RALGPS1: variants seen among roughly 807,000 people sequenced by gnomAD.
RALGPS1 encodes the protein Ral GEF with PH domain and SH3 binding motif 1, also known as ras-specific guanine nucleotide-releasing factor RalGPS1.
A neutral mutation model predicts 78.8 loss-of-function variants in RALGPS1; 19 were observed. The ratio of observed to expected loss-of-function variants is 0.24; its 90% CI spans 0.17 to 0.35. RALGPS1 has a LOEUF of 0.35. Ranked by LOEUF, RALGPS1 falls within the 10% of genes least tolerant of loss-of-function variation. RALGPS1 has a pLI of 1.00. For missense variants in RALGPS1, 454 were observed against 688.3 expected (o/e 0.66, Z 3.81); for synonymous variants, 228 against 256.3 (o/e 0.89, Z 1.06).
intron 4 of RALGPS1, among the ~76,000 whole-genome samples, chr9:126,999,455 C>G (rs1163179449): frequency 6.6e-6 from 1 of 152,192 alleles, no homozygotes; most frequent in Non-Finnish European, 1.5e-5. Flanking sequence ...TTTTACTATT[C>G]TAAAATCCTC....
At chr9:126,967,461 C>A (rs888502760) in intron 3 of RALGPS1, among the ~76,000 whole-genome samples, 2 of 152,218 alleles carry the variant, frequency 1.3e-5, no homozygotes, top group African/African-American at 4.8e-5. Context: ...AAAGTAGCAT[C>A]TTTCCATCAT....
chr9:127,159,720 TGTGCTCTCTTAAAGAGAGCACAC>T (rs2058913353), intron 8 of RALGPS1, among the ~76,000 whole-genome samples: 1 of 152,218 alleles, frequency 6.6e-6, no homozygotes, highest in Non-Finnish European at 1.5e-5. Flanking sequence ...GGAAATGCTT[TGTGCTCTCTTAAAGAGAGCACAC>T]ACATCCTAAT....
rs2062761170 is a variant in RALGPS1, at chr9:127,221,075, A to G, written c.*2306A>G. 1.3e-5 allele frequency: 2 copies of G among 152,504 alleles called. No individual in the cohort carries two copies. The highest frequency in any genetic ancestry group is 3.9e-4 in the East Asian group (2 of 5,184). 9.4% of individuals were successfully genotyped at this position (152,504 alleles called of 1,614,324 possible). A position where few individuals can be genotyped will look rare whatever the true frequency, so the allele number is the denominator to read the frequency against. On this transcript the variant is annotated 3_prime_UTR_variant, in exon 19 of 19. Transcript: ENST00000259351. ...TGGCAAAAGCCTTATAGAAGCAGTA[A>G]GAGGCTTGACCACGCCGGAAGAGTC...
rs954363676 is a variant in RALGPS1, at chr9:126,923,958, C to A, written c.-66+8983C>A. ...ATCTCTGGCTATATCTGCTATGGGA[C>A]ACTTTGGCAATGAGCATCACTATGG... On this transcript the variant is annotated intron_variant, in intron 1 of 18. Coordinates refer to ENST00000259351, the MANE Select transcript of RALGPS1 (RefSeq NM_014636.3). Among the ~76,000 whole-genome samples, 2 of 152,194 alleles carry A rather than the reference C, an allele frequency of 1.3e-5. 1 individual carries two copies. Among genetic ancestry groups the A allele is most frequent in the Non-Finnish European group, 2.9e-5 (2 of 68,038 alleles).
At chr9:127,143,311 C>T (rs990477561) in intron 8 of RALGPS1, among the ~76,000 whole-genome samples, 8 of 152,340 alleles carry the variant, frequency 5.3e-5, no homozygotes, top group African/African-American at 1.4e-4. Context: ...GCTCACCCTG[C>T]TCCAGCAGTG....
chr9:126,950,059 A>C (rs1231784451), intron 1 of RALGPS1, among the ~76,000 whole-genome samples: 5 of 151,388 alleles, frequency 3.3e-5, no homozygotes, highest in Admixed American at 6.6e-5. Flanking sequence ...AGCACCATTT[A>C]TTAAATAGGG....
At chr9:126,921,114 G>T (rs192270773) in intron 1 of RALGPS1, among the ~76,000 whole-genome samples, 2 of 152,204 alleles carry the variant, frequency 1.3e-5, no homozygotes, top group Non-Finnish European at 2.9e-5. Context: ...GTAATTATAC[G>T]TGATGCTGTG....
chr9:126,987,088 G>A (rs1173784844), intron 4 of RALGPS1, among the ~76,000 whole-genome samples: 4 of 152,122 alleles, frequency 2.6e-5, no homozygotes, highest in African/African-American at 7.2e-5. Context: ...TGCCTGTGCC[G>A]GAGCCAGTGT....
chr9:127,169,296 C>T (rs1490785580), intron 10 of RALGPS1, among the ~76,000 whole-genome samples: 2 of 152,204 alleles, frequency 1.3e-5, no homozygotes, highest in African/African-American at 4.8e-5. Context: ...GGCCCTACCT[C>T]CTTCCCCGTA....
intron 4 of RALGPS1, among the ~76,000 whole-genome samples, chr9:126,997,584 A>G (rs1464075038): frequency 2.0e-5 from 3 of 152,146 alleles, no homozygotes; most frequent in African/African-American, 2.4e-5. Flanking sequence ...CGTGAAAATG[A>G]CCATACTGCC....
rs1186950597 is a variant in RALGPS1 at position 127,223,104 on chromosome 9, A to G, written c.*4335A>G. 6.5e-6 allele frequency: 1 copy of G among 152,700 alleles called. No individual in the cohort carries two copies. Among genetic ancestry groups the G allele is most frequent in the African/African-American group, 2.4e-5 (1 of 41,474 alleles). 9.5% of individuals were successfully genotyped at this position (152,700 alleles called of 1,614,324 possible). Reference sequence around the variant, plus strand: ...TACATTGATAATAATTATTTCACTAATTAAATACTTTAATGTACAAACATC... The same window carrying G: ...TACATTGATAATAATTATTTCACTAGTTAAATACTTTAATGTACAAACATC... On this transcript the variant is annotated 3_prime_UTR_variant, in exon 19 of 19. Coordinates refer to ENST00000259351, the MANE Select transcript of RALGPS1 (RefSeq NM_014636.3).
chr9:127,096,445 G>C (rs1157329643), intron 8 of RALGPS1, among the ~76,000 whole-genome samples: 1 of 152,168 alleles, frequency 6.6e-6, no homozygotes, highest in South Asian at 2.1e-4. Flanking sequence ...GCCTCTTACT[G>C]CACAGCTGCC....
chr9:127,169,622 C>T (rs1404123196), intron 10 of RALGPS1, among the ~76,000 whole-genome samples: 1 of 152,112 alleles, frequency 6.6e-6, no homozygotes, highest in Non-Finnish European at 1.5e-5. Flanking sequence ...TCTTAAATGT[C>T]AACTTCACAT....
intron 8 of RALGPS1, among the ~76,000 whole-genome samples, chr9:127,160,742 C>T (rs988118729): frequency 3.9e-5 from 6 of 152,348 alleles, no homozygotes; most frequent in Non-Finnish European, 7.3e-5. Flanking sequence ...GCACTGCTGT[C>T]TGTCCCAGAT....
rs2057758329 is a variant in RALGPS1, at chr9:127,141,330, A to G, written c.611-24739A>G. ...GTTTGAGATTTTTGTGCCAAACTGA[A>G]ATTCCTGCCTACTTAACTTTCAAAT... On this transcript the variant is annotated intron_variant, in intron 8 of 18. Coordinates refer to ENST00000259351, the MANE Select transcript of RALGPS1 (RefSeq NM_014636.3). Among the ~76,000 whole-genome samples the G allele has an allele frequency of 2.0e-5, 3 of 152,280 alleles. No individual in the cohort carries two copies. In the South Asian group the frequency reaches 6.2e-4, roughly 32 times the overall value.
intron 10 of RALGPS1, among the ~76,000 whole-genome samples, chr9:127,172,131 T>C (rs1163133459): frequency 6.6e-6 from 1 of 152,166 alleles, no homozygotes; most frequent in Non-Finnish European, 1.5e-5. Context: ...TAGGACCCCC[T>C]ACCTACTGCT....
chr9:127,182,446 T>C (rs994386833), intron 11 of RALGPS1, among the ~76,000 whole-genome samples: 2 of 139,666 alleles, frequency 1.4e-5, no homozygotes, highest in Non-Finnish European at 1.5e-5. Flanking sequence ...TTTTTTTTTT[T>C]TTTGACGGAG....
chr9:126,928,294 C>A (rs967357662), intron 1 of RALGPS1, among the ~76,000 whole-genome samples: 7 of 152,148 alleles, frequency 4.6e-5, no homozygotes, highest in Admixed American at 4.6e-4. Flanking sequence ...TGAGAAGGAT[C>A]AGGGTTAACT....
At chr9:127,174,249 AAAAG>A (rs1267754681) in intron 10 of RALGPS1, among the ~76,000 whole-genome samples, 81 of 151,594 alleles carry the variant, frequency 5.3e-4, no homozygotes, top group African/African-American at 1.6e-3. Context: ...AGAGAGAGAG[AAAAG>A]AAAGAAAGAA....
Sources: gnomAD v4.1 joint callset for allele counts (sites outside exome capture counted in the v4.1 genomes callset) on GRCh38, gnomAD v4.1.1 for gene constraint, MANE v1.5 for transcripts, NCBI Gene and HGNC (gene_info 2026-07-23, HGNC 2026-07-21) for gene names.